The following EMCN variants were observed in gnomAD, a reference collection of about 807,000 sequenced individuals.
The protein encoded by EMCN is endomucin, also known as MUC-14.
In EMCN, 37 loss-of-function variants were observed where a neutral mutation model predicts 38.4. The ratio of observed to expected loss-of-function variants is 0.96; its 90% confidence interval spans 0.74 to 1.27. The LOEUF (loss-of-function observed/expected upper bound fraction) is 1.27. Among genes scored for constraint, EMCN ranks in the 50% most tolerant of loss-of-function variants. EMCN has a pLI of 0.00. For missense variants in EMCN, 318 were observed against 302.8 expected (o/e 1.05, Z -0.37); for synonymous variants, 95 against 100.8 (o/e 0.94, Z 0.35).
At chr4:100,424,767 G>C (rs1429918870) in intron 5 of EMCN, among the ~76,000 whole-genome samples, 1 of 152,020 alleles carries the variant, frequency 6.6e-6, no homozygotes, top group Non-Finnish European at 1.5e-5. Flanking sequence ...CTTTTCCAGT[G>C]TCAAGTAGTT....
intron 5 of EMCN, among the ~76,000 whole-genome samples, chr4:100,432,627 C>A (rs1244835679): frequency 2.0e-5 from 3 of 152,094 alleles, no homozygotes; most frequent in Non-Finnish European, 2.9e-5. Context: ...TTACAGTGGG[C>A]AGTTGCAGTT....
chr4:100,456,941 G>A (rs1728033588), intron 4 of EMCN, among the ~76,000 whole-genome samples: 1 of 151,998 alleles, frequency 6.6e-6, no homozygotes, highest in African/African-American at 2.4e-5. Context: ...TTGTGGATTT[G>A]TGTTTTTCAC....
intron 4 of EMCN, among the ~76,000 whole-genome samples, chr4:100,460,438 A>C (rs1487428120): frequency 1.3e-5 from 2 of 152,194 alleles, no homozygotes; most frequent in African/African-American, 4.8e-5. Context: ...TTATGAAATA[A>C]GAGGTTTACT....
At chr4:100,431,721 A>ATC (rs147413558) in intron 5 of EMCN, among the ~76,000 whole-genome samples, 135,554 of 150,264 alleles carry the variant, frequency 0.9, 61,189 homozygotes, top group South Asian at 0.96. Context: ...CTTACAATAC[A>ATC]TCTCTCTCTC....
At chr4:100,499,250 T>C (rs1375667742) in intron 1 of EMCN, among the ~76,000 whole-genome samples, 2 of 152,228 alleles carry the variant, frequency 1.3e-5, no homozygotes, top group Non-Finnish European at 2.9e-5. Flanking sequence ...TATTATTAAT[T>C]GAAAATAGTT....
At chr4:100,422,189 C>T (rs922468776) in intron 7 of EMCN, among the ~76,000 whole-genome samples, 2 of 152,040 alleles carry the variant, frequency 1.3e-5, no homozygotes, top group Non-Finnish European at 2.9e-5. Flanking sequence ...GTGAGACTTA[C>T]TCTCCAATTC....
intron 1 of EMCN, among the ~76,000 whole-genome samples, chr4:100,483,622 T>C (rs1239612832): frequency 2.6e-5 from 4 of 152,114 alleles, no homozygotes; most frequent in Admixed American, 2.6e-4. Context: ...GATAACACTA[T>C]TTAGATCTGA....
chr4:100,408,891 T>C (rs562900330), intron 11 of EMCN, among the ~76,000 whole-genome samples: 1 of 152,342 alleles, frequency 6.6e-6, no homozygotes, highest in East Asian at 1.9e-4. Context: ...AAGGCAGTCT[T>C]GCCTCTTTTC....
intron 3 of EMCN, among the ~76,000 whole-genome samples, chr4:100,472,964 A>G (rs1039336291): frequency 3.4e-5 from 5 of 148,236 alleles, no homozygotes; most frequent in Non-Finnish European, 3.0e-5. Flanking sequence ...AAACTTCTAT[A>G]TATATATTCT....
intron 11 of EMCN, among the ~76,000 whole-genome samples, chr4:100,400,882 C>T (rs1240343902): frequency 2.6e-5 from 4 of 150,988 alleles, no homozygotes; most frequent in Non-Finnish European, 3.0e-5. Context: ...TCAGTCTTTG[C>T]TTTTTTTTTA....
intron 1 of EMCN, chr4:100,487,049 G>A: frequency 1.0e-6 from 1 of 982,494 alleles, no homozygotes; most frequent in Non-Finnish European, 1.2e-6. Flanking sequence ...AAAGGCAAAG[G>A]TTACATTTAA....
At chr4:100,444,355 G>A (rs966839973) in intron 5 of EMCN, among the ~76,000 whole-genome samples, 2 of 152,172 alleles carry the variant, frequency 1.3e-5, no homozygotes, top group Non-Finnish European at 2.9e-5. Context: ...AATTATTCTT[G>A]TGTGCCAAAG....
At chr4:100,486,916 G>GATA in intron 1 of EMCN, 1 of 985,396 alleles carries the variant, frequency 1.0e-6, no homozygotes, top group Non-Finnish European at 1.2e-6. Flanking sequence ...TTCACAAATG[G>GATA]ATAATTCTTC....
intron 3 of EMCN, among the ~76,000 whole-genome samples, chr4:100,470,170 T>C (rs755038193): frequency 6.6e-6 from 1 of 151,822 alleles, no homozygotes; most frequent in African/African-American, 2.4e-5. Flanking sequence ...ATTCCGCATC[T>C]ATAAGGAATT....
intron 5 of EMCN, among the ~76,000 whole-genome samples, chr4:100,432,453 T>C (rs1727229155): frequency 6.6e-6 from 1 of 152,196 alleles, no homozygotes; most frequent in Non-Finnish European, 1.5e-5. Flanking sequence ...CCTTAGTAAC[T>C]GCTAATGGCA....
Position 100,501,400 on chromosome 4 carries a change from A to T in EMCN, c.64+16451T>A, listed in dbSNP as rs184391200. On this transcript the variant is annotated intron_variant, in intron 1 of 11. Transcript: ENST00000296420. ...CAGAGCTCTCTATTCTTTTCTATTC[A>T]TCTATGTGGCATCAATGTGACTACC... Among the ~76,000 whole-genome samples the T allele has an allele frequency of 1.6e-3, 251 of 152,226 alleles. 1 individual carries two copies. The highest frequency in any genetic ancestry group is 5.8e-3 in the African/African-American group (242 of 41,558).
chr4:100,443,538 G>A (rs1296049539), intron 5 of EMCN, among the ~76,000 whole-genome samples: 1 of 152,228 alleles, frequency 6.6e-6, no homozygotes, highest in Non-Finnish European at 1.5e-5. Flanking sequence ...ACAGTGGGGA[G>A]TCTTAGCTGA....
chr4:100,467,420 T>G (rs1189924110), intron 3 of EMCN, among the ~76,000 whole-genome samples: 2 of 152,148 alleles, frequency 1.3e-5, no homozygotes, highest in Non-Finnish European at 1.5e-5. Flanking sequence ...GGCTCACGCC[T>G]GTAATCCCAG....
intron 10 of EMCN, among the ~76,000 whole-genome samples, chr4:100,415,045 G>A (rs1451668981): frequency 3.3e-5 from 5 of 152,130 alleles, no homozygotes; most frequent in East Asian, 1.9e-4. Flanking sequence ...ACAGGCATGC[G>A]CCACCATGCC....
Sources: allele counts gnomAD v4.1 joint callset (sites outside exome capture counted in the v4.1 genomes callset), GRCh38; gene constraint gnomAD v4.1.1; transcripts MANE v1.5; gene names NCBI Gene and HGNC (gene_info 2026-07-23, HGNC 2026-07-21).